DHRS1: variants seen among roughly 807,000 people sequenced by gnomAD.
DHRS1 encodes dehydrogenase/reductase SDR family member 1.
Under a neutral mutation model 35.2 loss-of-function variants are expected in DHRS1, and 34 were observed. That is an observed-to-expected ratio of 0.97 (90% CI 0.74 to 1.29). DHRS1 has a LOEUF of 1.29. DHRS1 is among the 50% of genes most tolerant of loss of function. The probability of loss-of-function intolerance (pLI) is 0.00; values close to 1 mark genes in which losing one functional copy is unlikely to be tolerated. For missense variants in DHRS1, 354 were observed against 403.6 expected (o/e 0.88, Z 1.05); for synonymous variants, 133 against 160.0 (o/e 0.83, Z 1.27).
At chr14:24,296,694 GGGA>G in intron 3 of DHRS1, 41 bp downstream of exon 3, 1 of 1,614,048 alleles carries the variant, frequency 6.2e-7, no homozygotes, top group Non-Finnish European at 8.5e-7. Flanking sequence ...GGGTCTGAGG[GGGA>G]GGTCAGAAAT....
intron 6 of DHRS1, chr14:24,291,922 G>A (rs938917403): frequency 3.3e-6 from 2 of 603,610 alleles, no homozygotes; most frequent in African/African-American, 1.9e-5. Flanking sequence ...CAAGTGCATG[G>A]TCTTTGGAGC....
Position 24,290,935 on chromosome 14 carries a change from C to T in DHRS1, c.866G>A (p.Gly289Asp), listed in dbSNP as rs1205391159. 1 of 1,613,904 alleles carries T rather than the reference C, an allele frequency of 6.2e-7. No individual in the cohort carries two copies. Among genetic ancestry groups the T allele is most frequent in the African/African-American group, 1.3e-5 (1 of 74,870 alleles). The stretch of plus-strand genomic sequence containing the variant: ...GGAGGGCAGGTAGGAGGCCAGCCAG[C>T]CCAGGCCGGACACGTGTGAGAGAAC... ...SSVLSHVSGL[G>D]WLASYLPSFL... The change falls in exon 9 of 9, where the codon GGC becomes GAC. Residue 289 changes from glycine (G) to aspartate (D), a missense_variant. Transcript: ENST00000288111.
chr14:24,297,080 A>T (rs1369005922), intron 2 of DHRS1, among the ~76,000 whole-genome samples, 199 bp from the exon 3 acceptor site: 2 of 152,244 alleles, frequency 1.3e-5, no homozygotes, highest in Non-Finnish European at 2.9e-5. Context: ...CCCACCACAG[A>T]GCAAGGTGAA....
Position 24,292,725 on chromosome 14 carries a change from A to C in DHRS1, c.434T>G (p.Leu145Arg), listed in dbSNP as rs2041184450. Residue 145 changes from leucine to arginine, a missense_variant, in exon 5 of 9, where the codon CTC becomes CGC. Leu to Arg is a moderately radical substitution (Grantham distance 102). Transcript: ENST00000288111. ...TCCTGGGGAGGAGATGACCACGATG[A>C]GCCCCTGGCCAGCTGGTACCATCAG... ...ARLMVPAGQGLIVVISSPGSL... is the reference protein window; with the variant it reads ...ARLMVPAGQGRIVVISSPGSL... The C allele has an allele frequency of 6.2e-7, 1 of 1,614,064 alleles. No individual in the cohort carries two copies. The highest frequency in any genetic ancestry group is 1.3e-5 in the African/African-American group (1 of 74,910).
chr14:24,296,464 G>A, intron 4 of DHRS1, 45 bp downstream of exon 4: 1 of 1,598,910 alleles, frequency 6.3e-7, no homozygotes, highest in Non-Finnish European at 8.6e-7. Context: ...CGTCGAGTTG[G>A]CTAAGTGAGT....
chr14:24,294,940 T>C (rs536167071), intron 4 of DHRS1, among the ~76,000 whole-genome samples: 1 of 152,296 alleles, frequency 6.6e-6, no homozygotes. Flanking sequence ...TTCCCCTTCA[T>C]TGTCTTGATA....
chr14:24,291,348 G>C, intron 7 of DHRS1, 129 bp from the exon 8 acceptor site: 1 of 1,155,320 alleles, frequency 8.7e-7, no homozygotes, highest in Non-Finnish European at 1.3e-6. Flanking sequence ...CTTTCTCTTG[G>C]GCCTTGGACT....
At chr14:24,293,505 C>A (rs748174091) in intron 4 of DHRS1, 1 of 151,994 alleles carries the variant, frequency 6.6e-6, no homozygotes, top group Non-Finnish European at 1.5e-5. Flanking sequence ...GCCCAGGAGG[C>A]GGAGGTTGCA....
At chr14:24,291,385 C>T (rs943686019) in intron 7 of DHRS1, 166 bp from the exon 8 acceptor site, 34 of 1,040,378 alleles carry the variant, frequency 3.3e-5, no homozygotes, top group Non-Finnish European at 5.1e-5. Context: ...GGAGCCTGCT[C>T]CTAAGGCTCT....
chr14:24,292,837 G>C, intron 4 of DHRS1, 53 bp from the exon 5 acceptor site: 2 of 1,566,326 alleles, frequency 1.3e-6, no homozygotes, highest in South Asian at 2.4e-5. Context: ...GCTGGCCTGG[G>C]TGCCACAGCC....
At chr14:24,292,460 A>G in intron 5 of DHRS1, 130 bp from the exon 6 acceptor site, 1 of 1,477,516 alleles carries the variant, frequency 6.8e-7, no homozygotes, top group Non-Finnish European at 9.2e-7. Flanking sequence ...TCAGCTGCCC[A>G]CGCTCCCCAG....
chr14:24,292,824 A>C (rs777980812), intron 4 of DHRS1, 40 bp from the exon 5 acceptor site: 1 of 1,583,638 alleles, frequency 6.3e-7, no homozygotes, highest in East Asian at 2.3e-5. Flanking sequence ...GAACCGTGTT[A>C]GTGCTGGCCT....
At chr14:24,291,378 G>T in intron 7 of DHRS1, 159 bp from the exon 8 acceptor site, 1 of 1,045,934 alleles carries the variant, frequency 9.6e-7, no homozygotes, top group Non-Finnish European at 1.5e-6. Flanking sequence ...CTTCCCAGGA[G>T]CCTGCTCCTA....
chr14:24,292,921 G>GGA, intron 4 of DHRS1, 137 bp from the exon 5 acceptor site: 1 of 1,089,508 alleles, frequency 9.2e-7, no homozygotes. Flanking sequence ...AGCGACCTGA[G>GGA]GAATTAGGGG....
rs2041165711 is a variant in DHRS1, at chr14:24,292,032, C to T, written c.654+152G>A. The T allele has an allele frequency of 7.0e-6, 7 of 1,001,712 alleles. No individual in the cohort carries two copies. In the South Asian group the frequency reaches 1.1e-4, roughly 15 times the overall value. The allele number at this position is 1,001,712 out of a possible 1,614,324, so 62.1% of individuals were successfully genotyped here. A position where few individuals can be genotyped will look rare whatever the true frequency, so the allele number is the denominator to read the frequency against. ...TCTGTAGAATGGAGCTGGTATCTCC[C>T]TTACAGGATTAAAGGAAATAATGTG... On this transcript the variant is annotated intron_variant, in intron 6 of 8. Coordinates refer to ENST00000288111, the MANE Select transcript of DHRS1 (RefSeq NM_001136050.3).
chr14:24,296,915 A>G, intron 2 of DHRS1, 34 bp from the exon 3 acceptor site: 2 of 1,613,644 alleles, frequency 1.2e-6, no homozygotes, highest in Non-Finnish European at 1.7e-6. Flanking sequence ...GCTCACATTC[A>G]CACATGGGTG....
At chr14:24,296,090 G>A (rs1441987289) in intron 4 of DHRS1, among the ~76,000 whole-genome samples, 1 of 152,206 alleles carries the variant, frequency 6.6e-6, no homozygotes, top group Non-Finnish European at 1.5e-5. Context: ...TGGGTGTGGA[G>A]TGAGGATGTG....
At chr14:24,298,426 C>T (rs1200158901) in intron 2 of DHRS1, among the ~76,000 whole-genome samples, 1 of 152,028 alleles carries the variant, frequency 6.6e-6, no homozygotes. Flanking sequence ...CAATGCCTAG[C>T]AAATCATGGA....
intron 6 of DHRS1, 196 bp from the exon 7 acceptor site, chr14:24,291,821 C>T: frequency 1.6e-6 from 1 of 634,756 alleles, no homozygotes; most frequent in South Asian, 1.9e-5. Flanking sequence ...AGCCCTGTGC[C>T]CTGGCACCAG....
Sources: gnomAD v4.1 joint callset for allele counts (sites outside exome capture counted in the v4.1 genomes callset) on GRCh38, gnomAD v4.1.1 for gene constraint, MANE v1.5 for transcripts, NCBI Gene and HGNC (gene_info 2026-07-23, HGNC 2026-07-21) for gene names.